FUOM: variants seen among roughly 807,000 people sequenced by gnomAD.
FUOM encodes the protein fucose mutarotase, also known as protein fucU homolog.
Under a neutral mutation model 18.3 loss-of-function variants are expected in FUOM, and 19 were observed. That is an observed-to-expected ratio of 1.04 (90% confidence interval 0.73 to 1.53). The LOEUF (loss-of-function observed/expected upper bound fraction) is 1.53. FUOM is among the 40% of genes most tolerant of loss of function. The probability of loss-of-function intolerance (pLI) is 0.00; values close to 1 mark genes in which losing one functional copy is unlikely to be tolerated. For missense variants in FUOM, 210 were observed against 200.9 expected, an observed-to-expected ratio of 1.04 and a Z score of -0.27; for synonymous variants, 102 against 87.9, an observed-to-expected ratio of 1.16 and a Z score of -0.90.
chr10:133,356,409 C>T (rs778178737), intron 4 of FUOM, among the ~76,000 whole-genome samples: 96 of 152,150 alleles, frequency 6.3e-4, no homozygotes, highest in Non-Finnish European at 1.1e-3. Context: ...GGATCCTGGG[C>T]GGGGCAGGGC....
intron 5 of FUOM, 42 bp downstream of exon 5, chr10:133,355,696 C>G (rs1015152925): frequency 6.3e-7 from 1 of 1,597,270 alleles, no homozygotes; most frequent in African/African-American, 1.3e-5. Flanking sequence ...GCTCCTGAGG[C>G]CCCAGTGGGG....
At chr10:133,352,810 C>A, downstream of FUOM, 1 of 214,108 alleles carries the variant, frequency 4.7e-6, no homozygotes, top group Non-Finnish European at 9.4e-6. Flanking sequence ...GGCGACAGAG[C>A]AAGACTCCAT....
intron 1 of FUOM, 75 bp downstream of exon 1, chr10:133,357,848 C>G: frequency 7.6e-7 from 1 of 1,308,700 alleles, no homozygotes; most frequent in East Asian, 2.9e-5. Context: ...CTTCCCGGCC[C>G]GGGGGTCCCC....
intron 2 of FUOM, 81 bp from the exon 3 acceptor site, chr10:133,357,094 G>A (rs893208573): frequency 1.3e-6 from 2 of 1,539,500 alleles, no homozygotes; most frequent in African/African-American, 1.4e-5. Context: ...TGCAAGCATG[G>A]ACTTGGGGCC....
chr10:133,353,062 G>C (rs1162572589), downstream of FUOM, among the ~76,000 whole-genome samples: 1 of 152,206 alleles, frequency 6.6e-6, no homozygotes, highest in African/African-American at 2.4e-5. Context: ...CCTGGGACCA[G>C]TCTCAGCTGA....
At chr10:133,357,854 T>C (rs930433235) in intron 1 of FUOM, 69 bp downstream of exon 1, 2 of 1,338,184 alleles carry the variant, frequency 1.5e-6, no homozygotes, top group Non-Finnish European at 2.0e-6. Flanking sequence ...GGCCCGGGGG[T>C]CCCCGTGCAA....
Position 133,357,223 on chromosome 10 carries a change from TGGA to T in FUOM, c.115_117del (p.Ser39del). 6.3e-7 allele frequency: 1 copy of T among 1,583,202 alleles called. No homozygotes were observed. Among genetic ancestry groups the T allele is most frequent in the Non-Finnish European group, 8.6e-7 (1 of 1,165,842 alleles). ...ATCTCCATGGGCCCACACTGGCAGA[TGGA>T]GGAGGCCGGGAAGTTCAAGTCCGCA... On this transcript the variant is annotated inframe_deletion, in exon 2 of 6. Transcript: ENST00000278025.
downstream of FUOM, among the ~76,000 whole-genome samples, chr10:133,354,880 G>T (rs1447362043): frequency 6.6e-6 from 1 of 152,170 alleles, no homozygotes; most frequent in African/African-American, 2.4e-5. Flanking sequence ...CTGCCCTCCT[G>T]CGGGTGGAAG....
chr10:133,356,803 G>A (rs903266929), intron 3 of FUOM, 65 bp from the exon 4 acceptor site: 21 of 1,452,720 alleles, frequency 1.4e-5, no homozygotes, highest in African/African-American at 4.2e-5. Context: ...GTGACCATTC[G>A]GGACTCCCCT....
rs1159502999 is a variant in FUOM, at chr10:133,356,930, A to C, written c.225+13T>G. ...CACGGAGCAGCAGGGTGCAGGGGCG[A>C]CTCAGCCCTCACCGGACTCTCCACA... is the stretch of plus-strand genomic sequence containing the variant. On this transcript the variant is annotated intron_variant, in intron 3 of 5. Transcript: ENST00000278025. 6.5e-7 allele frequency: 1 copy of C among 1,549,832 alleles called. No homozygotes were observed.
downstream of FUOM, among the ~76,000 whole-genome samples, chr10:133,354,665 G>A (rs1343911049): frequency 1.3e-5 from 2 of 152,158 alleles, no homozygotes; most frequent in Non-Finnish European, 2.9e-5. Context: ...AGCCTCCCAG[G>A]CACCCCCTTT....
At chr10:133,355,686 G>C in intron 5 of FUOM, 52 bp downstream of exon 5, 1 of 1,580,434 alleles carries the variant, frequency 6.3e-7, no homozygotes, top group Non-Finnish European at 8.7e-7. Context: ...GATGGGGGCA[G>C]CTCCTGAGGC....
chr10:133,354,154 C>G (rs77079384), downstream of FUOM, among the ~76,000 whole-genome samples: 7 of 152,082 alleles, frequency 4.6e-5, no homozygotes, highest in Non-Finnish European at 1.0e-4. Context: ...GCAACCAGCT[C>G]GTACACCGCT....
At position 133,356,688 on chromosome 10, in the gene FUOM, G is replaced by A; in HGVS notation, c.276C>T (p.Thr92=). 5 of 1,601,746 alleles carry A rather than the reference G, an allele frequency of 3.1e-6. No individual in the cohort carries two copies. The highest frequency in any genetic ancestry group is 4.3e-6 in the Non-Finnish European group (5 of 1,173,400). The change falls in exon 4 of 6, where the codon ACC becomes ACT. Residue 92 remains threonine, a synonymous_variant. Transcript: ENST00000278025. ...VPSDKERGLQ[T]PVWTEYESIL... is the part of the protein sequence containing the mutation. ...TGGACTCGTACTCCGTCCACACTGG[G>A]GTCTGCAGGCCCCTCTCCTTGTCGC...
Position 133,355,248 on chromosome 10 carries a change from C to T in FUOM, c.*122G>A, listed in dbSNP as rs1848749197. The T allele has an allele frequency of 4.4e-6, 5 of 1,135,726 alleles. No individual in the cohort carries two copies. In the South Asian group the frequency reaches 7.8e-5, roughly 18 times the overall value. The allele number at this position is 1,135,726 out of a possible 1,614,324, so 70.4% of individuals were successfully genotyped here. On this transcript the variant is annotated 3_prime_UTR_variant, in exon 6 of 6. Transcript: ENST00000278025. Reference sequence around the variant, plus strand: ...CAGGGCCCACCCCAAGACTGCCGGCCCCTAGAGCCCTGGCCAGGGCCCAGG... The same window carrying T: ...CAGGGCCCACCCCAAGACTGCCGGCTCCTAGAGCCCTGGCCAGGGCCCAGG...
intron 5 of FUOM, 46 bp from the exon 6 acceptor site, chr10:133,355,482 G>T: frequency 6.2e-7 from 1 of 1,607,188 alleles, no homozygotes; most frequent in Non-Finnish European, 8.5e-7. Flanking sequence ...GCAGGGCCAG[G>T]GTGCCGAGAC....
intron 5 of FUOM, 68 bp downstream of exon 5, chr10:133,355,669 CG>C: frequency 1.9e-6 from 3 of 1,549,912 alleles, no homozygotes; most frequent in Non-Finnish European, 2.7e-6. Flanking sequence ...TGAGGCCCCC[CG>C]GTGGGGATGG....
downstream of FUOM, among the ~76,000 whole-genome samples, chr10:133,354,448 C>G (rs2153818): frequency 0.93 from 141,409 of 152,234 alleles, 66,463 homozygotes; most frequent in Non-Finnish European, 1. Flanking sequence ...CTTGCCCCCT[C>G]GAGCCCCGGG....
chr10:133,355,788 CCTCT>C lies in FUOM; in HGVS notation c.344_347del (p.Glu115GlyfsTer?), dbSNP rs759619964. On this transcript the variant is annotated frameshift_variant, in exon 5 of 6. Transcript: ENST00000278025. LOFTEE classifies it high-confidence loss of function. The stretch of plus-strand genomic sequence containing the variant: ...TCTTAGCCCGTTCATAAAACTCAAA[CCTCT>C]CTATCTTTGCCAGGGCTCTCTGGAA... 1.9e-6 allele frequency: 3 copies of C among 1,613,058 alleles called. No individual in the cohort carries two copies. The African/African-American group carries it at 4.0e-5, about 22-fold the overall frequency.
Sources: allele counts gnomAD v4.1 joint callset (sites outside exome capture counted in the v4.1 genomes callset), GRCh38; gene constraint gnomAD v4.1.1; transcripts MANE v1.5; gene names NCBI Gene and HGNC (gene_info 2026-07-23, HGNC 2026-07-21).